Variants in SEL1L observed in about 807,000 individuals in gnomAD.
SEL1L encodes protein sel-1 homolog 1.
SEL1L carries 52 observed loss-of-function variants against 109.8 expected under a neutral mutation model. That is an observed-to-expected ratio of 0.47 (90% CI 0.38 to 0.60). The LOEUF (loss-of-function observed/expected upper bound fraction) is 0.60. Ranked by LOEUF, SEL1L falls within the 20% of genes least tolerant of loss-of-function variation. SEL1L has a pLI of 0.00. For synonymous variants in SEL1L, 373 were observed against 339.6 expected, an observed-to-expected ratio of 1.10 and a Z score of -1.08; for missense variants, 749 against 962.2, an observed-to-expected ratio of 0.78 and a Z score of 2.93.
At chr14:81,491,929 C>G (rs1169971394) in intron 12 of SEL1L, among the ~76,000 whole-genome samples, 1 of 151,500 alleles carries the variant, frequency 6.6e-6, no homozygotes, top group Non-Finnish European at 1.5e-5. Context: ...CGCACAGCAT[C>G]AAGAATACAT....
intron 16 of SEL1L, 73 bp downstream of exon 16, chr14:81,487,317 C>A: frequency 7.1e-6 from 10 of 1,414,248 alleles, no homozygotes; most frequent in South Asian, 3.0e-5. Flanking sequence ...ACAAAAAAAC[C>A]AGAATTGAAA....
chr14:81,521,170 T>C (rs1286770967), intron 3 of SEL1L, among the ~76,000 whole-genome samples: 1 of 152,216 alleles, frequency 6.6e-6, no homozygotes, highest in African/African-American at 2.4e-5. Flanking sequence ...GTATGAAAGA[T>C]ACATTTCCTA....
At chr14:81,478,566 G>T (rs1013196775) in intron 20 of SEL1L, among the ~76,000 whole-genome samples, 3 of 152,172 alleles carry the variant, frequency 2.0e-5, no homozygotes, top group Non-Finnish European at 2.9e-5. Context: ...GCTGCCACAC[G>T]ATCAGCTTTT....
chr14:81,478,294 T>C (rs890923352), intron 20 of SEL1L, among the ~76,000 whole-genome samples: 6 of 152,198 alleles, frequency 3.9e-5, no homozygotes, highest in African/African-American at 1.2e-4. Context: ...GAGATTTGTG[T>C]TCTTCTGTAC....
At chr14:81,497,712 C>T (rs1883826676) in intron 10 of SEL1L, among the ~76,000 whole-genome samples, 180 bp downstream of exon 10, 1 of 151,882 alleles carries the variant, frequency 6.6e-6, no homozygotes, top group African/African-American at 2.4e-5. Context: ...AATGGAATCT[C>T]CTGAGAGTGT....
At chr14:81,520,946 G>C in intron 3 of SEL1L, among the ~76,000 whole-genome samples, 1 of 152,054 alleles carries the variant, frequency 6.6e-6, no homozygotes, top group Non-Finnish European at 1.5e-5. Flanking sequence ...CTCTGGGCTG[G>C]AGCACAGTCT....
chr14:81,489,446 A>G (rs1370008917), intron 13 of SEL1L, 132 bp from the exon 14 acceptor site: 10 of 722,946 alleles, frequency 1.4e-5, no homozygotes, highest in Non-Finnish European at 2.1e-5. Flanking sequence ...ATTCAAAACA[A>G]AACTTTCTTC....
intron 3 of SEL1L, among the ~76,000 whole-genome samples, chr14:81,525,972 A>T (rs962951900): frequency 2.6e-5 from 4 of 152,176 alleles, no homozygotes. Flanking sequence ...TTAATTTTTT[A>T]AAAATAGTTT....
rs1323716076 is a variant in SEL1L, at chr14:81,473,161, T to A, written c.*3811A>T. 1.3e-5 allele frequency: 2 copies of A among 152,254 alleles called. No individual in the cohort carries two copies. Among genetic ancestry groups the A allele is most frequent in the Non-Finnish European group, 2.9e-5 (2 of 68,054 alleles). The allele number at this position is 152,254 out of a possible 1,614,324, so 9.4% of individuals were successfully genotyped here. On this transcript the variant is annotated 3_prime_UTR_variant, in exon 21 of 21. Transcript: ENST00000336735. ...CATATTTATAGTGGTTACATCTTGATTATATCAACATTATGAGTTTTATGA... is the reference window on the plus strand; with the variant it reads ...CATATTTATAGTGGTTACATCTTGAATATATCAACATTATGAGTTTTATGA...
intron 10 of SEL1L, 70 bp from the exon 11 acceptor site, chr14:81,495,207 A>G (rs1437543983): frequency 2.2e-6 from 3 of 1,390,100 alleles, no homozygotes; most frequent in Non-Finnish European, 3.1e-6. Context: ...CAGACCAACA[A>G]GAAATGATTT....
rs1370252716 is a variant in SEL1L, at chr14:81,485,071, T to C, written c.1873+601A>G. ...AAAAGTCTCTTAGGTTTCAGACTAATGTTCTATCATACATTCTATTTAATT... is the reference window on the plus strand; with the variant it reads ...AAAAGTCTCTTAGGTTTCAGACTAACGTTCTATCATACATTCTATTTAATT... On this transcript the variant is annotated intron_variant, in intron 18 of 20. Coordinates refer to ENST00000336735, the MANE Select transcript of SEL1L (RefSeq NM_005065.6). 2.0e-5 allele frequency among the ~76,000 whole-genome samples: 3 copies of C among 152,254 alleles called. No individual in the cohort carries two copies. The East Asian group carries it at 5.8e-4, about 29-fold the overall frequency.
At chr14:81,492,339 G>T in intron 12 of SEL1L, 141 bp downstream of exon 12, 1 of 690,316 alleles carries the variant, frequency 1.4e-6, no homozygotes, top group Non-Finnish European at 2.5e-6. Context: ...CCTCAGAACA[G>T]CACTTTAAGA....
rs1233575168 is a variant in SEL1L, at chr14:81,533,703, C to T, written c.42G>A (p.Val14=). The part of the protein sequence containing the change: ...RIGLTLLLCA[V]LLSLASASSD... ...AGGACGCCGAGGCCAAGCTCAGCAG[C>T]ACCGCACACAGCAGCAGCGTCAGCC... Residue 14 remains valine, a synonymous_variant, in exon 1 of 21, where the codon GTG becomes GTA. Transcript: ENST00000336735. The T allele has an allele frequency of 6.2e-7, 1 of 1,613,544 alleles. No homozygotes were observed. Among genetic ancestry groups the T allele is most frequent in the South Asian group, 1.1e-5 (1 of 91,080 alleles).
chr14:81,510,525 T>C (rs545098941), intron 3 of SEL1L, among the ~76,000 whole-genome samples: 212 of 151,028 alleles, frequency 1.4e-3, no homozygotes, highest in Non-Finnish European at 2.4e-3. Flanking sequence ...TATATATATA[T>C]ATATAGACAA....
At chr14:81,517,912 G>A (rs1884765303) in intron 3 of SEL1L, among the ~76,000 whole-genome samples, 3 of 151,622 alleles carry the variant, frequency 2.0e-5, no homozygotes, top group Admixed American at 1.3e-4. Context: ...GTTACCATGT[G>A]TACCCTCTGG....
chr14:81,503,184 G>C (rs995042025), intron 5 of SEL1L, among the ~76,000 whole-genome samples: 2 of 151,958 alleles, frequency 1.3e-5, no homozygotes, highest in Admixed American at 1.3e-4. Context: ...TAGAGACGGG[G>C]TTTCACCATG....
intron 3 of SEL1L, among the ~76,000 whole-genome samples, chr14:81,515,227 T>G (rs901787527): frequency 2.6e-5 from 4 of 152,146 alleles, no homozygotes; most frequent in African/African-American, 9.7e-5. Context: ...TGGGTACATG[T>G]CCCCTCCTCC....
intron 3 of SEL1L, among the ~76,000 whole-genome samples, chr14:81,507,898 C>T (rs955863925): frequency 8.5e-5 from 13 of 152,310 alleles, no homozygotes; most frequent in Non-Finnish European, 1.8e-4. Context: ...ACATTTGATG[C>T]AAATCCTACC....
intron 6 of SEL1L, 94 bp downstream of exon 6, chr14:81,502,623 TCTGA>T: frequency 8.4e-7 from 1 of 1,194,722 alleles, no homozygotes; most frequent in Non-Finnish European, 1.2e-6. Flanking sequence ...TATCTTCCAG[TCTGA>T]CTTTTTAAAA....
Sources: gnomAD v4.1 joint callset for allele counts (sites outside exome capture counted in the v4.1 genomes callset) on GRCh38, gnomAD v4.1.1 for gene constraint, MANE v1.5 for transcripts, NCBI Gene and HGNC (gene_info 2026-07-23, HGNC 2026-07-21) for gene names.